Variants in LRMDA observed in about 807,000 individuals in gnomAD.
LRMDA encodes leucine-rich melanocyte differentiation-associated protein.
Under a neutral mutation model 29.8 loss-of-function variants are expected in LRMDA, and 18 were observed. That is an observed-to-expected ratio of 0.60 (90% CI 0.42 to 0.90). The LOEUF (loss-of-function observed/expected upper bound fraction) is 0.90, where lower values mean the gene tolerates loss of function less well. Ranked by LOEUF, LRMDA falls within the 40% of genes least tolerant of loss-of-function variation. The pLI is 0.00. For synonymous variants in LRMDA, 125 were observed against 109.4 expected (o/e 1.14, Z -0.89); for missense variants, 273 against 273.9 (o/e 1.00, Z 0.02).
chr10:75,980,360 C>T (rs535972132), intron 2 of LRMDA, among the ~76,000 whole-genome samples: 1 of 152,302 alleles, frequency 6.6e-6, no homozygotes, highest in East Asian at 1.9e-4. Flanking sequence ...CTGTGTCTGG[C>T]AGATGGAGAG....
At chr10:76,042,185 TC>T (rs1189513175) in intron 3 of LRMDA, among the ~76,000 whole-genome samples, 1 of 152,160 alleles carries the variant, frequency 6.6e-6, no homozygotes, top group Non-Finnish European at 1.5e-5. Context: ...GAAGGACTGG[TC>T]TAGAGCATGC....
chr10:75,580,834 A>C (rs919965828), intron 2 of LRMDA, among the ~76,000 whole-genome samples: 3 of 152,242 alleles, frequency 2.0e-5, no homozygotes, highest in African/African-American at 7.2e-5. Context: ...TTCCCTATTT[A>C]ATAAATGGTG....
At chr10:76,506,631 C>G (rs2132347768) in intron 6 of LRMDA, among the ~76,000 whole-genome samples, 1 of 152,188 alleles carries the variant, frequency 6.6e-6, no homozygotes, top group Admixed American at 6.6e-5. Flanking sequence ...TCTCTCCCCT[C>G]TACTTTTCTC....
intron 2 of LRMDA, among the ~76,000 whole-genome samples, chr10:75,620,400 G>T (rs1056438140): frequency 2.0e-5 from 3 of 152,172 alleles, no homozygotes; most frequent in Non-Finnish European, 2.9e-5. Flanking sequence ...TAGGTCTCAG[G>T]TTTAGGAGCT....
At chr10:75,786,883 C>T (rs1170889879) in intron 2 of LRMDA, among the ~76,000 whole-genome samples, 2 of 152,212 alleles carry the variant, frequency 1.3e-5, no homozygotes, top group African/African-American at 4.8e-5. Flanking sequence ...AGCCTAGTGA[C>T]TTGACCTGGT....
At chr10:76,215,483 C>T (rs1851712421) in intron 5 of LRMDA, among the ~76,000 whole-genome samples, 1 of 151,674 alleles carries the variant, frequency 6.6e-6, no homozygotes, top group Non-Finnish European at 1.5e-5. Context: ...CAGGTGTTGG[C>T]ACAGGAGATG....
chr10:76,229,186 T>A (rs1564693246), intron 5 of LRMDA, among the ~76,000 whole-genome samples: 1 of 152,176 alleles, frequency 6.6e-6, no homozygotes, highest in African/African-American at 2.4e-5. Flanking sequence ...TGAGGTTTGG[T>A]ATTTGAGTCT....
At chr10:76,348,405 A>C (rs967954961) in intron 6 of LRMDA, among the ~76,000 whole-genome samples, 1 of 152,234 alleles carries the variant, frequency 6.6e-6, no homozygotes, top group Non-Finnish European at 1.5e-5. Context: ...CCTAGGGAAC[A>C]ACCATAAAGT....
intron 6 of LRMDA, among the ~76,000 whole-genome samples, chr10:76,395,474 G>T (rs1488184598): frequency 6.6e-6 from 1 of 152,232 alleles, no homozygotes; most frequent in African/African-American, 2.4e-5. Context: ...TCAGAGGGCA[G>T]CTTGGCTTCA....
intron 5 of LRMDA, among the ~76,000 whole-genome samples, chr10:76,188,154 G>A (rs73286930): frequency 0.13 from 19,511 of 152,160 alleles, 2,014 homozygotes; most frequent in African/African-American, 0.28. Context: ...GAGGTCAGCC[G>A]GAAACCCCTT....
chr10:75,480,920 G>A (rs1564782003), intron 2 of LRMDA, among the ~76,000 whole-genome samples: 1 of 152,128 alleles, frequency 6.6e-6, no homozygotes, highest in Non-Finnish European at 1.5e-5. Context: ...AGGCATGGGA[G>A]GAGTCACAGC....
At chr10:76,531,846 A>G (rs1843237615) in intron 6 of LRMDA, among the ~76,000 whole-genome samples, 1 of 152,164 alleles carries the variant, frequency 6.6e-6, no homozygotes, top group Non-Finnish European at 1.5e-5. Context: ...AAGTGTGTGT[A>G]GAATTGCTAT....
intron 2 of LRMDA, among the ~76,000 whole-genome samples, chr10:75,859,181 A>G (rs1184139618): frequency 6.6e-6 from 1 of 152,142 alleles, no homozygotes; most frequent in Non-Finnish European, 1.5e-5. Context: ...TGGCCTTATT[A>G]TGGGCCTTTT....
intron 5 of LRMDA, among the ~76,000 whole-genome samples, chr10:76,097,374 A>AT (rs1849329345): frequency 6.6e-6 from 1 of 152,202 alleles, no homozygotes; most frequent in African/African-American, 2.4e-5. Flanking sequence ...TTCTTTAATT[A>AT]TTTTTATTGC....
chr10:75,513,734 ATCT>A (rs572896152), intron 2 of LRMDA, among the ~76,000 whole-genome samples: 130 of 152,122 alleles, frequency 8.5e-4, no homozygotes, highest in African/African-American at 2.8e-3. Flanking sequence ...CTGATTTTAC[ATCT>A]TCTTCTTAGA....
chr10:76,172,012 G>A (rs1310642217), intron 5 of LRMDA, among the ~76,000 whole-genome samples: 1 of 152,160 alleles, frequency 6.6e-6, no homozygotes, highest in Non-Finnish European at 1.5e-5. Flanking sequence ...CAGAAAGGGA[G>A]CTGGGAATAT....
intron 3 of LRMDA, among the ~76,000 whole-genome samples, chr10:76,040,373 T>G (rs1460624884): frequency 6.6e-6 from 1 of 152,196 alleles, no homozygotes. Flanking sequence ...ACCTCCCATC[T>G]TTTTCCACCA....
At chr10:75,772,645 G>A (rs933672103) in intron 2 of LRMDA, among the ~76,000 whole-genome samples, 3 of 152,162 alleles carry the variant, frequency 2.0e-5, no homozygotes, top group African/African-American at 7.2e-5. Context: ...TGCTCGAATA[G>A]CAAATATTTG....
intron 2 of LRMDA, among the ~76,000 whole-genome samples, chr10:76,035,625 G>A (rs1031625346): frequency 3.9e-5 from 6 of 152,216 alleles, no homozygotes; most frequent in Admixed American, 3.3e-4. Flanking sequence ...AGGGAATGAA[G>A]GTGAACTGTG....
Sources: gnomAD v4.1 joint callset for allele counts (sites outside exome capture counted in the v4.1 genomes callset) on GRCh38, gnomAD v4.1.1 for gene constraint, MANE v1.5 for transcripts, NCBI Gene and HGNC (gene_info 2026-07-23, HGNC 2026-07-21) for gene names.